Variants in COL19A1 observed in about 807,000 individuals in gnomAD.
COL19A1 encodes collagen type XIX alpha 1 chain.
A neutral mutation model predicts 190.2 loss-of-function variants in COL19A1; 159 were observed. The ratio of observed to expected loss-of-function variants is 0.84; its 90% CI spans 0.73 to 0.95. The LOEUF (loss-of-function observed/expected upper bound fraction) is 0.95, where lower values mean the gene tolerates loss of function less well. Ranked by LOEUF, COL19A1 falls within the 40% of genes least tolerant of loss-of-function variation. COL19A1 has a pLI of 0.00. For synonymous variants in COL19A1, 509 were observed against 458.9 expected (o/e 1.11, Z -1.39); for missense variants, 1,418 against 1,431.9 (o/e 0.99, Z 0.16).
intron 20 of COL19A1, among the ~76,000 whole-genome samples, chr6:70,141,279 T>C (rs1026293242): frequency 5.9e-5 from 9 of 152,068 alleles, no homozygotes; most frequent in Admixed American, 5.9e-4. Flanking sequence ...AAGACATCCA[T>C]GTAGGATATC....
intron 12 of COL19A1, among the ~76,000 whole-genome samples, chr6:70,030,087 G>A (rs965153594): frequency 6.6e-6 from 1 of 152,084 alleles, no homozygotes; most frequent in East Asian, 1.9e-4. Flanking sequence ...AGTAGAATTA[G>A]GCATCTGTGG....
At chr6:70,001,229 T>C (rs1436278119) in intron 11 of COL19A1, among the ~76,000 whole-genome samples, 2 of 152,226 alleles carry the variant, frequency 1.3e-5, no homozygotes, top group African/African-American at 2.4e-5. Flanking sequence ...TTAGTCTATA[T>C]GTCCGTTTTG....
At chr6:70,035,857 C>G (rs1321233896) in intron 13 of COL19A1, 47 bp from the exon 14 acceptor site, 1 of 1,526,544 alleles carries the variant, frequency 6.6e-7, no homozygotes, top group South Asian at 1.1e-5. Context: ...AAATAATGTG[C>G]AAAAAGGGAC....
chr6:70,148,485 A>G (rs543946670), intron 27 of COL19A1, among the ~76,000 whole-genome samples: 2 of 152,334 alleles, frequency 1.3e-5, no homozygotes, highest in African/African-American at 4.8e-5. Flanking sequence ...ACAATATCAC[A>G]TCCTTATATT....
At chr6:70,055,734 A>G (rs1270127764) in intron 14 of COL19A1, among the ~76,000 whole-genome samples, 5 of 149,594 alleles carry the variant, frequency 3.3e-5, no homozygotes, top group Non-Finnish European at 7.4e-5. Flanking sequence ...CTGAGCCAAG[A>G]TCGTGCCACT....
At chr6:69,963,638 A>G (rs550768206) in intron 11 of COL19A1, among the ~76,000 whole-genome samples, 15 of 152,316 alleles carry the variant, frequency 9.8e-5, no homozygotes, top group East Asian at 1.9e-4. Context: ...GAGGAAACCT[A>G]TAAGGCTCAG....
chr6:70,180,262 G>A, intron 42 of COL19A1, 50 bp from the exon 43 acceptor site: 1 of 1,606,934 alleles, frequency 6.2e-7, no homozygotes, highest in Non-Finnish European at 8.5e-7. Context: ...AGCATATGGT[G>A]TCGTTCAGCA....
chr6:70,172,533 C>T (rs1315908700), intron 41 of COL19A1, among the ~76,000 whole-genome samples: 1 of 152,016 alleles, frequency 6.6e-6, no homozygotes, highest in Non-Finnish European at 1.5e-5. Context: ...CAATGTATAG[C>T]CAGTGGAGAA....
intron 25 of COL19A1, 69 bp from the exon 26 acceptor site, chr6:70,146,590 A>T: frequency 1.7e-6 from 2 of 1,157,574 alleles, no homozygotes; most frequent in Non-Finnish European, 2.4e-6. Context: ...AACATATTTT[A>T]GTTATAACTT....
chr6:70,079,438 A>G lies in COL19A1; in HGVS notation c.1224+10962A>G, dbSNP rs964945414. On this transcript the variant is annotated intron_variant, in intron 15 of 50. Coordinates refer to ENST00000620364, the MANE Select transcript of COL19A1 (RefSeq NM_001858.6). ...TAACTAAAGCCATCACAATGGGGTG[A>G]GGGGGCAGTGTGCAAGGGAGAAACT... is the stretch of plus-strand genomic sequence containing the variant. Among the ~76,000 whole-genome samples, 7 of 152,158 alleles carry G rather than the reference A, an allele frequency of 4.6e-5. No homozygotes were observed. In the East Asian group the frequency reaches 1.3e-3, roughly 29 times the overall value.
intron 13 of COL19A1, 115 bp downstream of exon 13, chr6:70,034,413 AG>A (rs1779234337): frequency 3.9e-6 from 3 of 768,968 alleles, no homozygotes; most frequent in Non-Finnish European, 6.8e-6. Context: ...ATTAACCAAA[AG>A]CTGTTACCTT....
At chr6:70,052,769 T>C (rs1020235203) in intron 14 of COL19A1, among the ~76,000 whole-genome samples, 1 of 152,162 alleles carries the variant, frequency 6.6e-6, no homozygotes, top group African/African-American at 2.4e-5. Context: ...ATATATCTTA[T>C]TTTCTAAAGA....
At chr6:70,184,798 C>G in intron 45 of COL19A1, 60 bp downstream of exon 45, 1 of 1,601,910 alleles carries the variant, frequency 6.2e-7, no homozygotes, top group Non-Finnish European at 8.5e-7. Flanking sequence ...GAATACCTAC[C>G]AACATTTACA....
chr6:70,096,093 T>A (rs1783247932), intron 15 of COL19A1, among the ~76,000 whole-genome samples: 1 of 151,388 alleles, frequency 6.6e-6, no homozygotes, highest in African/African-American at 2.4e-5. Context: ...TATTTTTTTT[T>A]TTTTTTGAGA....
At chr6:70,078,890 A>G (rs927580585) in intron 15 of COL19A1, among the ~76,000 whole-genome samples, 2 of 152,124 alleles carry the variant, frequency 1.3e-5, no homozygotes, top group African/African-American at 4.8e-5. Context: ...AACATGGTGA[A>G]ACTCTGTCTC....
chr6:70,157,444 T>C (rs1430235391), intron 34 of COL19A1, among the ~76,000 whole-genome samples: 1 of 152,170 alleles, frequency 6.6e-6, no homozygotes, highest in Non-Finnish European at 1.5e-5. Flanking sequence ...TTGATACTAC[T>C]AATTCTTAAT....
intron 14 of COL19A1, among the ~76,000 whole-genome samples, chr6:70,036,723 G>A (rs11965784): frequency 0.12 from 18,081 of 151,852 alleles, 1,765 homozygotes; most frequent in African/African-American, 0.27. Context: ...TTATGTTGAT[G>A]TTACCTAGTG....
chr6:69,944,600 G>A (rs999021535), intron 9 of COL19A1, among the ~76,000 whole-genome samples: 9 of 152,158 alleles, frequency 5.9e-5, no homozygotes, highest in Middle Eastern at 3.4e-3. Context: ...GTTTAGCTTA[G>A]TATTGTCTAG....
intron 14 of COL19A1, among the ~76,000 whole-genome samples, chr6:70,037,263 C>A (rs1047632565): frequency 2.0e-5 from 3 of 152,164 alleles, no homozygotes; most frequent in Non-Finnish European, 4.4e-5. Context: ...TCAAGCGATT[C>A]TCCTGCCTCA....
Sources: allele counts gnomAD v4.1 joint callset (sites outside exome capture counted in the v4.1 genomes callset), GRCh38; gene constraint gnomAD v4.1.1; transcripts MANE v1.5; gene names NCBI Gene and HGNC (gene_info 2026-07-23, HGNC 2026-07-21).